The following PDE10A variants were observed in gnomAD, a reference collection of about 807,000 sequenced individuals.
PDE10A encodes cAMP and cAMP-inhibited cGMP 3',5'-cyclic phosphodiesterase 10A.
PDE10A carries 39 observed loss-of-function variants against 97.7 expected under a neutral mutation model. The ratio of observed to expected loss-of-function variants is 0.40; its 90% CI spans 0.31 to 0.52. The LOEUF (loss-of-function observed/expected upper bound fraction) is 0.52, where lower values mean the gene tolerates loss of function less well. PDE10A is among the 20% of genes least tolerant of loss of function. The pLI, the probability that PDE10A is intolerant of heterozygous loss-of-function variation, is 0.56. For synonymous variants in PDE10A, 371 were observed against 376.8 expected (o/e 0.98, Z 0.18); for missense variants, 731 against 1,047.8 (o/e 0.70, Z 4.17).
intron 1 of PDE10A, among the ~76,000 whole-genome samples, chr6:165,556,542 CATTAT>C: frequency 6.6e-6 from 1 of 152,318 alleles, no homozygotes; most frequent in South Asian, 2.1e-4. Flanking sequence ...TATGTTATTA[CATTAT>C]ATGATAACAT....
At chr6:165,963,807 C>T (rs1784427400) in intron 1 of PDE10A, among the ~76,000 whole-genome samples, 1 of 152,186 alleles carries the variant, frequency 6.6e-6, no homozygotes. Flanking sequence ...TGTGCTGTGC[C>T]TCCTCCTCTG....
At chr6:165,736,924 A>G (rs894431220) in intron 1 of PDE10A, among the ~76,000 whole-genome samples, 1 of 152,234 alleles carries the variant, frequency 6.6e-6, no homozygotes, top group African/African-American at 2.4e-5. Context: ...CTAACAAAAA[A>G]GAGCACACTC....
intron 10 of PDE10A, among the ~76,000 whole-genome samples, chr6:165,420,412 A>G (rs1411888120): frequency 1.3e-5 from 2 of 152,260 alleles, no homozygotes; most frequent in Admixed American, 6.5e-5. Flanking sequence ...CTCTCAATAA[A>G]TATTTGAGGA....
chr6:165,468,258 T>A (rs113850423), intron 3 of PDE10A, among the ~76,000 whole-genome samples: 12 of 151,364 alleles, frequency 7.9e-5, no homozygotes, highest in African/African-American at 1.2e-4. Flanking sequence ...TTTTTTTATT[T>A]TTTTTTTTTT....
chr6:165,380,789 C>T (rs1018982014), intron 17 of PDE10A, among the ~76,000 whole-genome samples: 3 of 152,196 alleles, frequency 2.0e-5, no homozygotes, highest in Non-Finnish European at 4.4e-5. Context: ...CGACTCTCTT[C>T]AATTTTGTTG....
chr6:165,343,618 G>A, intron 18 of PDE10A, 116 bp from the exon 19 acceptor site: 1 of 722,366 alleles, frequency 1.4e-6, no homozygotes, highest in Non-Finnish European at 2.5e-6. Context: ...TCATTAAAGA[G>A]CACACAGAAG....
At chr6:165,710,921 T>C (rs940590244) in intron 1 of PDE10A, among the ~76,000 whole-genome samples, 2 of 152,240 alleles carry the variant, frequency 1.3e-5, no homozygotes, top group South Asian at 4.1e-4. Context: ...TCTCAACTGC[T>C]TTGCCCATGA....
At chr6:165,970,539 A>G (rs1316098405) in intron 1 of PDE10A, among the ~76,000 whole-genome samples, 1 of 152,228 alleles carries the variant, frequency 6.6e-6, no homozygotes, top group Non-Finnish European at 1.5e-5. Context: ...CATAACAGTT[A>G]TCATATATAA....
At chr6:165,654,714 C>G (rs886448999) in intron 1 of PDE10A, among the ~76,000 whole-genome samples, 3 of 152,226 alleles carry the variant, frequency 2.0e-5, no homozygotes, top group African/African-American at 7.2e-5. Context: ...AAGGCCCCGT[C>G]TGCCATCCTC....
intron 1 of PDE10A, among the ~76,000 whole-genome samples, chr6:165,609,445 C>T (rs901256525): frequency 2.0e-5 from 3 of 152,162 alleles, no homozygotes; most frequent in African/African-American, 7.2e-5. Context: ...TGAGAACTGG[C>T]ACAAGACAGG....
intron 1 of PDE10A, among the ~76,000 whole-genome samples, chr6:165,554,929 A>T (rs1300759054): frequency 6.6e-6 from 1 of 152,196 alleles, no homozygotes; most frequent in Non-Finnish European, 1.5e-5. Flanking sequence ...AAAGACAAAC[A>T]TCGCATGTTC....
intron 1 of PDE10A, among the ~76,000 whole-genome samples, chr6:165,772,479 G>A (rs898945783): frequency 1.7e-4 from 26 of 152,078 alleles, no homozygotes; most frequent in Admixed American, 2.6e-4. Context: ...GGGCCTCCGC[G>A]CTGTGGCCTT....
At chr6:165,437,627 G>C (rs1790118158) in intron 5 of PDE10A, among the ~76,000 whole-genome samples, 1 of 152,082 alleles carries the variant, frequency 6.6e-6, no homozygotes, top group Non-Finnish European at 1.5e-5. Flanking sequence ...CATGATTTTT[G>C]TTCACATTAA....
At chr6:165,792,033 G>A (rs766842325) in intron 1 of PDE10A, among the ~76,000 whole-genome samples, 4 of 152,246 alleles carry the variant, frequency 2.6e-5, no homozygotes, top group African/African-American at 7.2e-5. Context: ...TCAGGCCCCC[G>A]CACGCAGCCC....
intron 3 of PDE10A, among the ~76,000 whole-genome samples, chr6:165,459,145 A>G (rs556400932): frequency 1.3e-4 from 20 of 152,322 alleles, no homozygotes; most frequent in Admixed American, 1.3e-3. Context: ...GAAGCTAGAA[A>G]GCCATAATCC....
intron 1 of PDE10A, among the ~76,000 whole-genome samples, chr6:165,677,848 G>A (rs1330305925): frequency 6.6e-6 from 1 of 152,062 alleles, no homozygotes; most frequent in Non-Finnish European, 1.5e-5. Flanking sequence ...GTTTGTGTAT[G>A]TGTGTGTTTG....
chr6:165,570,393 T>A (rs1432063049), intron 1 of PDE10A, among the ~76,000 whole-genome samples: 1 of 152,188 alleles, frequency 6.6e-6, no homozygotes, highest in African/African-American at 2.4e-5. Flanking sequence ...GAAACAATTA[T>A]AATAAATGGA....
rs1791464921 is a variant in PDE10A, at chr6:165,697,297, AC to A, written c.-614-153730del. On this transcript the variant is annotated intron_variant, in intron 1 of 19. Transcript: ENST00000366882. ...GAAAAATGATGCATCAAGAAAAGGA[AC>A]AGCTGACTTCCCAGCAGAAACAATG... 2.0e-5 allele frequency among the ~76,000 whole-genome samples: 3 copies of A among 152,336 alleles called. No individual in the cohort carries two copies. In the South Asian group the frequency reaches 6.2e-4, roughly 32 times the overall value.
intron 1 of PDE10A, among the ~76,000 whole-genome samples, chr6:165,599,622 C>T (rs1786815344): frequency 6.6e-6 from 1 of 152,308 alleles, no homozygotes; most frequent in African/African-American, 2.4e-5. Context: ...GGTCTTTAAA[C>T]AGGCTTAACA....
Sources: gnomAD v4.1 joint callset for allele counts (sites outside exome capture counted in the v4.1 genomes callset) on GRCh38, gnomAD v4.1.1 for gene constraint, MANE v1.5 for transcripts, NCBI Gene and HGNC (gene_info 2026-07-23, HGNC 2026-07-21) for gene names.